The following LPA variants were observed in gnomAD, a reference collection of about 807,000 sequenced individuals.
The protein encoded by LPA is lipoprotein(a).
In LPA, 199 loss-of-function variants were observed where a neutral mutation model predicts 197.9. The observed-to-expected ratio is 1.01, with a 90% CI of 0.90 to 1.13. The LOEUF (loss-of-function observed/expected upper bound fraction) is 1.13. Ranked by LOEUF, LPA falls within the 50% of genes most tolerant of loss-of-function variation. The pLI is 0.00. For missense variants in LPA, 1,853 were observed against 1,785.8 expected, an observed-to-expected ratio of 1.04 and a Z score of -0.68; for synonymous variants, 715 against 639.5, an observed-to-expected ratio of 1.12 and a Z score of -1.78.
chr6:160,560,611 C>A (rs1236188397), intron 28 of LPA, among the ~76,000 whole-genome samples: 1 of 151,950 alleles, frequency 6.6e-6, no homozygotes, highest in Non-Finnish European at 1.5e-5. Flanking sequence ...CTGTTCATAT[C>A]CTTTGCCCAC....
At chr6:160,574,309 C>G (rs1778616276) in intron 28 of LPA, among the ~76,000 whole-genome samples, 1 of 152,148 alleles carries the variant, frequency 6.6e-6, no homozygotes, top group Non-Finnish European at 1.5e-5. Context: ...GGCTTGAAAA[C>G]TTGCCTGAGG....
chr6:160,540,098 A>G lies in LPA; in HGVS notation c.5680T>C (p.Ser1894Pro). 2 of 1,614,098 alleles carry G rather than the reference A, an allele frequency of 1.2e-6. No homozygotes were observed. The highest frequency in any genetic ancestry group is 1.7e-6 in the Non-Finnish European group (2 of 1,180,024). ...LESHVQEIEVSRLFLEPTQAD... is the reference protein window; with the variant it reads ...LESHVQEIEVPRLFLEPTQAD... ...TGTGTGGGCTCCAAGAACAGCCTAG[A>G]CACTTCTATTTCCTGAACATGAGAT... Residue 1894 changes from serine to proline, a missense_variant, in exon 36 of 39, where the codon TCT becomes CCT. Physicochemically the swap from Ser to Pro is moderately conservative, Grantham distance 74 (BLOSUM62 -1). This residue lies in a region of LPA where 1,737 missense variants were observed against 1,504.4 expected (regional missense o/e 1.15). Transcript: ENST00000316300.
At position 160,548,622 on chromosome 6, in the gene LPA, C is replaced by T. The variant is rs774456131; in HGVS notation, c.5011G>A (p.Asp1671Asn). The part of the protein sequence containing the change: ...TMNYCRNPDA[D>N]TGPWCFTMDP... ...ATGGTAAAACACCAAGGGCCTGTAT[C>T]GGCATCTGGATTCCTGCAGTAGTTC... The change falls in exon 31 of 39, where the codon GAT (aspartate) becomes AAT (asparagine). Residue 1671 changes from aspartate to asparagine, a missense_variant. Asp to Asn is a conservative substitution (Grantham distance 23). Transcript: ENST00000316300. 18 of 1,613,962 alleles carry T rather than the reference C, an allele frequency of 1.1e-5. No homozygotes were observed. Among genetic ancestry groups the T allele is most frequent in the African/African-American group, 2.7e-5 (2 of 74,892 alleles).
chr6:160,544,350 G>A (rs1333457122), intron 33 of LPA, among the ~76,000 whole-genome samples: 6 of 151,976 alleles, frequency 3.9e-5, no homozygotes, highest in African/African-American at 1.5e-4. Context: ...CAATAGCACC[G>A]ACAAAATAGA....
In LPA at chr6:160,640,648, C is replaced by CGG. The variant is rs1413199049; in HGVS notation, c.733+18_733+19insCC. 143 of 216,328 alleles carry CGG rather than the reference C, an allele frequency of 6.6e-4. No individual in the cohort carries two copies. Among genetic ancestry groups the CGG allele is most frequent in the South Asian group, 1.0e-3 (29 of 27,872 alleles). 13.4% of individuals were successfully genotyped at this position (216,328 alleles called of 1,614,324 possible). On this transcript the variant is annotated intron_variant, in intron 5 of 38. Transcript: ENST00000316300. ...TCCCAGCATCGAAGCGTGTAGATGT[C>CGG]TGGCCACAGACTCCTTACCTTGTTC...
intron 30 of LPA, among the ~76,000 whole-genome samples, chr6:160,551,337 C>G (rs1778163651): frequency 1.3e-5 from 2 of 152,164 alleles, no homozygotes; most frequent in Non-Finnish European, 2.9e-5. Context: ...ATGTGTACAT[C>G]TATCTATCCC....
rs78363782 is a variant in LPA at position 160,610,663 on chromosome 6, T to C, written c.2603+899A>G. ...GAGCTCCTTTCCTCCACAAACCAGT[T>C]CTTATTTGTAGCGGACCTAGAAAAT... On this transcript the variant is annotated intron_variant, in intron 16 of 38. Coordinates refer to ENST00000316300, the MANE Select transcript of LPA (RefSeq NM_005577.4). Among the ~76,000 whole-genome samples, 315 of 152,212 alleles carry C rather than the reference T, an allele frequency of 2.1e-3. 7 individuals are homozygous for C. The East Asian group carries it at 0.046, about 22-fold the overall frequency.
chr6:160,572,885 G>A (rs948052531), intron 28 of LPA, among the ~76,000 whole-genome samples: 1 of 152,116 alleles, frequency 6.6e-6, no homozygotes, highest in Non-Finnish European at 1.5e-5. Flanking sequence ...AATGTGCCTA[G>A]GCTAAGATCT....
chr6:160,584,183 TTC>T (rs1201491932), intron 26 of LPA, among the ~76,000 whole-genome samples: 1 of 57,084 alleles, frequency 1.8e-5, no homozygotes, highest in African/African-American at 7.9e-5. Context: ...CTTCTTCTTC[TTC>T]TTCTTCTTCT....
chr6:160,591,034 G>T lies in LPA; in HGVS notation c.3697C>A (p.Pro1233Thr), dbSNP rs1376054889. 1 of 1,613,952 alleles carries T rather than the reference G, an allele frequency of 6.2e-7. No homozygotes were observed. Among genetic ancestry groups the T allele is most frequent in the Non-Finnish European group, 8.5e-7 (1 of 1,179,924 alleles). The stretch of plus-strand genomic sequence containing the variant: ...TTGCAGTACTCCCATCTGACATTGG[G>T]ATCCATGGTATAACACCAAGGACTA... Reference protein sequence around the residue: ...EISPWCYTMDPNVRWEYCNLT... With the variant: ...EISPWCYTMDTNVRWEYCNLT... Residue 1233 changes from proline to threonine, a missense_variant, in exon 23 of 39, where the codon CCC (proline) becomes ACC (threonine). Coordinates refer to ENST00000316300, the MANE Select transcript of LPA (RefSeq NM_005577.4).
intron 22 of LPA, 70 bp downstream of exon 22, chr6:160,593,888 G>C: frequency 6.3e-7 from 1 of 1,582,672 alleles, no homozygotes; most frequent in Non-Finnish European, 8.7e-7. Context: ...AAGTTAGTTG[G>C]AAGCATGGCC....
intron 26 of LPA, among the ~76,000 whole-genome samples, chr6:160,580,235 C>G (rs1193125629): frequency 1.3e-5 from 2 of 152,038 alleles, no homozygotes; most frequent in African/African-American, 4.8e-5. Flanking sequence ...GAATAGTATT[C>G]CTTTGTATAA....
At position 160,611,571 on chromosome 6, in the gene LPA, T is replaced by C; in HGVS notation, c.2594A>G (p.Tyr865Cys). The stretch of plus-strand genomic sequence containing the variant: ...AAGAACAAAGACATACGCATTTGGG[T>C]AGTATTCTGGGGTCCGACTATGCGA... ...PHSHSRTPEY[Y>C]PNAGLIMNYC... Residue 865 changes from tyrosine to cysteine, a missense_variant, in exon 16 of 39, where the codon TAC becomes TGC. By Grantham distance (194) the Tyr-to-Cys change is radical. Coordinates refer to ENST00000316300, the MANE Select transcript of LPA (RefSeq NM_005577.4). 6.2e-7 allele frequency: 1 copy of C among 1,606,048 alleles called. No individual in the cohort carries two copies. Among genetic ancestry groups the C allele is most frequent in the African/African-American group, 1.3e-5 (1 of 74,606 alleles).
intron 28 of LPA, among the ~76,000 whole-genome samples, chr6:160,558,131 G>A (rs1230440072): frequency 6.6e-6 from 1 of 152,084 alleles, no homozygotes; most frequent in Non-Finnish European, 1.5e-5. Flanking sequence ...GTGTTAGCCA[G>A]GATGGTCTCA....
chr6:160,567,757 TAAA>T (rs1778485165), intron 28 of LPA, among the ~76,000 whole-genome samples: 1 of 151,474 alleles, frequency 6.6e-6, no homozygotes, highest in South Asian at 2.1e-4. Flanking sequence ...GCAAGACTAA[TAAA>T]GAAGAAAAGA....
intron 1 of LPA, among the ~76,000 whole-genome samples, chr6:160,654,833 G>A (rs1369504463): frequency 6.6e-6 from 1 of 152,176 alleles, no homozygotes; most frequent in Non-Finnish European, 1.5e-5. Context: ...TGGATATAGT[G>A]CTGCAGCTGT....
chr6:160,555,335 C>T (rs868490980), intron 30 of LPA, among the ~76,000 whole-genome samples: 16 of 131,668 alleles, frequency 1.2e-4, no homozygotes, highest in Non-Finnish European at 2.1e-4. Context: ...GTGTGTGTGT[C>T]CTGCAAATTG....
chr6:160,634,954 C>A (rs1212645776), intron 7 of LPA, among the ~76,000 whole-genome samples, 169 bp downstream of exon 7: 3 of 150,266 alleles, frequency 2.0e-5, no homozygotes, highest in Non-Finnish European at 2.9e-5. Flanking sequence ...CACCAGAAAT[C>A]ACTCCGCTGG....
intron 1 of LPA, among the ~76,000 whole-genome samples, chr6:160,653,605 A>G (rs1389447384): frequency 6.6e-6 from 1 of 151,952 alleles, no homozygotes; most frequent in African/African-American, 2.4e-5. Flanking sequence ...TCATATAAAG[A>G]AGAGCTGATA....
Sources: allele counts gnomAD v4.1 joint callset (sites outside exome capture counted in the v4.1 genomes callset), GRCh38; gene constraint gnomAD v4.1.1; regional missense constraint gnomAD v4.1.1; transcripts MANE v1.5; gene names NCBI Gene and HGNC (gene_info 2026-07-23, HGNC 2026-07-21).